The following CACNA2D3 variants were observed in gnomAD, a reference collection of about 807,000 sequenced individuals.
CACNA2D3 encodes the protein voltage-dependent calcium channel subunit alpha-2/delta-3.
A neutral mutation model predicts 160.6 loss-of-function variants in CACNA2D3; 60 were observed. The observed-to-expected ratio is 0.37, with a 90% confidence interval of 0.30 to 0.46. The LOEUF is 0.46. Among genes scored for constraint, CACNA2D3 ranks in the 20% least tolerant of loss-of-function variants. The pLI, the probability that CACNA2D3 is intolerant of heterozygous loss-of-function variation, is 1.00. For missense variants in CACNA2D3, 1,205 were observed against 1,365.0 expected (o/e 0.88, Z 1.85); for synonymous variants, 558 against 492.9 (o/e 1.13, Z -1.75).
intron 11 of CACNA2D3, among the ~76,000 whole-genome samples, chr3:54,746,577 A>T (rs1479942387): frequency 6.6e-6 from 1 of 152,214 alleles, no homozygotes; most frequent in African/African-American, 2.4e-5. Flanking sequence ...GAACCCATGA[A>T]TGTGGGCACC....
intron 3 of CACNA2D3, among the ~76,000 whole-genome samples, chr3:54,371,760 C>T: frequency 6.6e-6 from 1 of 152,180 alleles, no homozygotes; most frequent in East Asian, 1.9e-4. Flanking sequence ...AAACTTCTGT[C>T]ACTTTATTTT....
intron 27 of CACNA2D3, chr3:54,918,748 G>A: frequency 6.2e-7 from 1 of 1,614,150 alleles, no homozygotes; most frequent in South Asian, 1.1e-5. Context: ...CACACCGTGG[G>A]CAGAGCCGGG....
chr3:54,202,433 A>G (rs1424395964), intron 2 of CACNA2D3, among the ~76,000 whole-genome samples: 4 of 152,216 alleles, frequency 2.6e-5, no homozygotes, highest in Admixed American at 6.5e-5. Flanking sequence ...TCTTCATGCC[A>G]TCTTCTAAAA....
intron 11 of CACNA2D3, among the ~76,000 whole-genome samples, chr3:54,652,761 G>A (rs1699797417): frequency 6.7e-6 from 1 of 149,186 alleles, no homozygotes; most frequent in Admixed American, 6.8e-5. Context: ...GATCCAAGGG[G>A]TTGGTGAGGA....
intron 12 of CACNA2D3, among the ~76,000 whole-genome samples, chr3:54,757,905 A>G (rs530077500): frequency 5.0e-4 from 76 of 152,362 alleles, no homozygotes; most frequent in African/African-American, 1.8e-3. Context: ...ACTCTTCATC[A>G]GATGTAAGGC....
chr3:55,038,231 T>C (rs995897631), intron 35 of CACNA2D3, among the ~76,000 whole-genome samples: 5 of 152,188 alleles, frequency 3.3e-5, no homozygotes, highest in Admixed American at 2.0e-4. Context: ...TGTGTTTATT[T>C]TCATTTAAAC....
In CACNA2D3 at chr3:54,399,808, G is replaced by A. The variant is rs991327226; in HGVS notation, c.381+13034G>A. ...CCTGCCCCCAGAGGTGGAGCCTACA[G>A]AGGCAGGCAGGCCTCCTTGAGCTGT... is the stretch of plus-strand genomic sequence containing the variant. On this transcript the variant is annotated intron_variant, in intron 4 of 37. Coordinates refer to ENST00000474759, the MANE Select transcript of CACNA2D3 (RefSeq NM_018398.3). 1.7e-5 allele frequency among the ~76,000 whole-genome samples: 2 copies of A among 118,136 alleles called. 1 individual carries two copies. The highest frequency in any genetic ancestry group is 6.7e-5 in the African/African-American group (2 of 29,774). 77.5% of individuals were successfully genotyped at this position (118,136 alleles called of 152,430 possible).
chr3:54,689,042 G>A (rs1046139083), intron 11 of CACNA2D3, among the ~76,000 whole-genome samples: 1 of 139,590 alleles, frequency 7.2e-6, no homozygotes, highest in Non-Finnish European at 1.5e-5. Flanking sequence ...AGCACATGAC[G>A]TGGTTCCTGA....
intron 11 of CACNA2D3, among the ~76,000 whole-genome samples, chr3:54,680,553 CCAGATGCTA>C (rs1173577249): frequency 6.6e-6 from 1 of 152,150 alleles, no homozygotes; most frequent in Non-Finnish European, 1.5e-5. Context: ...GTGTGTGCCT[CCAGATGCTA>C]CTATAATTAA....
chr3:54,550,001 T>C (rs1702130492), intron 5 of CACNA2D3, among the ~76,000 whole-genome samples: 1 of 152,238 alleles, frequency 6.6e-6, no homozygotes, highest in African/African-American at 2.4e-5. Context: ...TGATGACAGC[T>C]GTGTACTCTC....
At chr3:54,870,446 A>G (rs573244881) in intron 17 of CACNA2D3, among the ~76,000 whole-genome samples, 2 of 152,310 alleles carry the variant, frequency 1.3e-5, no homozygotes, top group South Asian at 2.1e-4. Flanking sequence ...ATACATGCAT[A>G]TATATTTTTC....
At chr3:55,026,815 C>A (rs1442378105) in intron 35 of CACNA2D3, among the ~76,000 whole-genome samples, 2 of 152,160 alleles carry the variant, frequency 1.3e-5, no homozygotes, top group African/African-American at 4.8e-5. Context: ...ATGCTAACTA[C>A]CCTGACACCG....
intron 11 of CACNA2D3, among the ~76,000 whole-genome samples, chr3:54,735,704 T>C (rs1334856611): frequency 6.6e-6 from 1 of 152,052 alleles, no homozygotes; most frequent in African/African-American, 2.4e-5. Flanking sequence ...ATATCATCTA[T>C]ATGGAGTTGG....
chr3:54,900,813 G>A lies in CACNA2D3; in HGVS notation c.2449+945G>A, dbSNP rs575501988. 5.3e-5 allele frequency among the ~76,000 whole-genome samples: 8 copies of A among 152,320 alleles called. No individual in the cohort carries two copies. The South Asian group carries it at 1.7e-3, about 32-fold the overall frequency. ...AGATGGAGGAGACCTGTTTGAAGTG[G>A]TTGTTCTTTGGCGAGGAAATACTGC... On this transcript the variant is annotated intron_variant, in intron 27 of 37. Coordinates refer to ENST00000474759, the MANE Select transcript of CACNA2D3 (RefSeq NM_018398.3).
chr3:54,654,555 G>A (rs1273116058), intron 11 of CACNA2D3, among the ~76,000 whole-genome samples: 1 of 152,178 alleles, frequency 6.6e-6, no homozygotes, highest in African/African-American at 2.4e-5. Context: ...TCGTATGGGA[G>A]GAGGGGCAGA....
chr3:54,810,088 C>G (rs1451856069), intron 13 of CACNA2D3, among the ~76,000 whole-genome samples: 1 of 152,102 alleles, frequency 6.6e-6, no homozygotes, highest in East Asian at 1.9e-4. Context: ...ATCAGTGAGG[C>G]AGGGAAGTGG....
chr3:54,300,518 G>A lies in CACNA2D3; in HGVS notation c.205-19924G>A, dbSNP rs183222436. The stretch of plus-strand genomic sequence containing the variant: ...GGAGAGGGGTAGAGCTTGTAAGCCC[G>A]TGACTTAATTCTAATCCGGTCCATT... On this transcript the variant is annotated intron_variant, in intron 2 of 37. Transcript: ENST00000474759. Among the ~76,000 whole-genome samples, 114 of 152,310 alleles carry A rather than the reference G, an allele frequency of 7.5e-4. 1 individual carries two copies. Among genetic ancestry groups the A allele is most frequent in the Admixed American group, 3.9e-3 (60 of 15,302 alleles).
At chr3:54,844,254 A>T (rs1698884667) in intron 16 of CACNA2D3, among the ~76,000 whole-genome samples, 1 of 152,148 alleles carries the variant, frequency 6.6e-6, no homozygotes, top group South Asian at 2.1e-4. Context: ...GGAAGATTTG[A>T]GGGAGAAAAT....
At position 54,211,278 on chromosome 3, in the gene CACNA2D3, A is replaced by G. The variant is rs564634770; in HGVS notation, c.204+87684A>G. On this transcript the variant is annotated intron_variant, in intron 2 of 37. Coordinates refer to ENST00000474759, the MANE Select transcript of CACNA2D3 (RefSeq NM_018398.3). ...GAAGTCTTCCAATATCAAAGCAAAC[A>G]CTTCCTTGGTTCTTTTTATAGCTGC... Among the ~76,000 whole-genome samples the G allele has an allele frequency of 1.4e-4, 21 of 152,218 alleles. No individual in the cohort carries two copies. In the South Asian group the frequency reaches 4.1e-3, roughly 30 times the overall value.
Sources: allele counts gnomAD v4.1 joint callset (sites outside exome capture counted in the v4.1 genomes callset), GRCh38; gene constraint gnomAD v4.1.1; transcripts MANE v1.5; gene names NCBI Gene and HGNC (gene_info 2026-07-23, HGNC 2026-07-21).